Variants in ADAP1 observed in about 807,000 individuals in gnomAD.
The protein encoded by ADAP1 is arf-GAP with dual PH domain-containing protein 1.
Under a neutral mutation model 54.9 loss-of-function variants are expected in ADAP1, and 31 were observed. The observed-to-expected ratio is 0.56, with a 90% CI of 0.42 to 0.76. The LOEUF is 0.76. Among genes scored for constraint, ADAP1 ranks in the 30% least tolerant of loss-of-function variants. ADAP1 has a pLI of 0.00. For synonymous variants in ADAP1, 313 were observed against 202.6 expected (o/e 1.55, Z -4.63); for missense variants, 535 against 512.4 (o/e 1.04, Z -0.42).
At chr7:953,513 G>GT (rs1847316313) in intron 1 of ADAP1, among the ~76,000 whole-genome samples, 1 of 152,220 alleles carries the variant, frequency 6.6e-6, no homozygotes, top group Admixed American at 6.5e-5. Context: ...GTCACCGCCG[G>GT]TGAGTTTAGG....
intron 1 of ADAP1, among the ~76,000 whole-genome samples, chr7:937,846 T>C (rs1368810456): frequency 1.3e-5 from 2 of 152,124 alleles, no homozygotes; most frequent in African/African-American, 2.4e-5. Context: ...GGCTCCCTGA[T>C]TAATGAAGCC....
intron 1 of ADAP1, among the ~76,000 whole-genome samples, chr7:949,032 G>T (rs2128112717): frequency 6.6e-6 from 1 of 152,216 alleles, no homozygotes; most frequent in Admixed American, 6.5e-5. Context: ...GGCCCTCCTT[G>T]TCCCCAAGTG....
intron 1 of ADAP1, among the ~76,000 whole-genome samples, chr7:950,649 G>A (rs999745926): frequency 3.3e-5 from 5 of 151,942 alleles, no homozygotes; most frequent in Non-Finnish European, 5.9e-5. Context: ...CTGAGGTCAG[G>A]AGTTCAAGAC....
At chr7:955,320 C>G, upstream of ADAP1, 1 of 1,550,340 alleles carries the variant, frequency 6.5e-7, no homozygotes, top group South Asian at 1.2e-5. Context: ...TGCCCTTCCT[C>G]TGCACACCCC....
intron 6 of ADAP1, among the ~76,000 whole-genome samples, chr7:903,276 G>A (rs1477028775): frequency 2.6e-5 from 4 of 152,148 alleles, no homozygotes; most frequent in South Asian, 2.1e-4. Context: ...AGATGCCAGC[G>A]GAGCACGGCA....
At chr7:912,242 C>T (rs376549746) in intron 4 of ADAP1, among the ~76,000 whole-genome samples, 1 of 152,214 alleles carries the variant, frequency 6.6e-6, no homozygotes, top group African/African-American at 2.4e-5. Flanking sequence ...CAGGAAGCCC[C>T]GCGTCTCAGC....
intron 3 of ADAP1, among the ~76,000 whole-genome samples, chr7:924,678 G>A (rs1284881071): frequency 6.6e-6 from 1 of 150,640 alleles, no homozygotes; most frequent in Non-Finnish European, 1.5e-5. Flanking sequence ...TGTCAGCCCT[G>A]GGAGTCTCCT....
At chr7:899,787 A>G (rs754879282) in intron 8 of ADAP1, among the ~76,000 whole-genome samples, 23 of 151,810 alleles carry the variant, frequency 1.5e-4, no homozygotes, top group Non-Finnish European at 2.5e-4. Flanking sequence ...GACCACCAAG[A>G]CTCCCAGGAT....
At chr7:903,758 C>T (rs1357768447) in intron 6 of ADAP1, among the ~76,000 whole-genome samples, 1 of 152,174 alleles carries the variant, frequency 6.6e-6, no homozygotes. Context: ...GACCCCAGTT[C>T]CCCCCGAGGT....
rs1847342093 is a variant in ADAP1 at position 954,530 on chromosome 7, C to T, written c.-53G>A. 1 of 1,000,522 alleles carries T rather than the reference C, an allele frequency of 1.0e-6. No individual in the cohort carries two copies. The highest frequency in any genetic ancestry group is 1.1e-4 in the East Asian group (1 of 9,460). The allele number at this position is 1,000,522 out of a possible 1,614,324, so 62.0% of individuals were successfully genotyped here. A position where few individuals can be genotyped will look rare whatever the true frequency, so the allele number is the denominator to read the frequency against. ...CCGGGGCCGGGGCCGGGAGCGTCAGCCCGGCTCGCTAGGGCCCCGCGCAGG... is the reference window on the plus strand; with the variant it reads ...CCGGGGCCGGGGCCGGGAGCGTCAGTCCGGCTCGCTAGGGCCCCGCGCAGG... On this transcript the variant is annotated 5_prime_UTR_variant, in exon 1 of 11. Transcript: ENST00000265846.
rs769811232 is a variant in ADAP1 at position 904,242 on chromosome 7, C to G, written c.532G>C (p.Glu178Gln). The G allele has an allele frequency of 1.2e-6, 2 of 1,606,950 alleles. No individual in the cohort carries two copies. Among genetic ancestry groups the G allele is most frequent in the Non-Finnish European group, 1.7e-6 (2 of 1,176,828 alleles). The stretch of plus-strand genomic sequence containing the variant: ...GGCTGGAAGGTGGCGTTCAGGTGCT[C>G]GATCTTCATCACGGCCTTGGGCTCC... ...AKEPKAVMKI[E>Q]HLNATFQPAK... The change falls in exon 6 of 11, where the codon GAG (glutamate) becomes CAG (glutamine). Residue 178 changes from glutamate (E) to glutamine (Q), a missense_variant. Physicochemically the swap from Glu to Gln is conservative, Grantham distance 29 (BLOSUM62 2). Transcript: ENST00000265846.
chr7:929,629 G>C (rs1372124466), intron 2 of ADAP1, among the ~76,000 whole-genome samples: 2 of 151,998 alleles, frequency 1.3e-5, no homozygotes, highest in South Asian at 2.1e-4. Flanking sequence ...ATTCAGTAAC[G>C]GCTGGGGCGG....
intron 1 of ADAP1, 64 bp from the exon 2 acceptor site, chr7:935,569 G>C (rs1056387697): frequency 2.9e-5 from 45 of 1,537,704 alleles, no homozygotes; most frequent in Non-Finnish European, 3.9e-5. Context: ...AGGGTGGACG[G>C]AGCCTCGAGT....
At chr7:899,582 A>G in intron 8 of ADAP1, 92 bp from the exon 9 acceptor site, 6 of 1,439,460 alleles carry the variant, frequency 4.2e-6, no homozygotes, top group Non-Finnish European at 5.6e-6. Flanking sequence ...CAGGGCCCAG[A>G]CTGGCCCGGG....
intron 4 of ADAP1, chr7:905,679 A>G (rs1583130182): frequency 4.8e-5 from 7 of 145,166 alleles, no homozygotes; most frequent in Non-Finnish European, 7.6e-5. Flanking sequence ...AGAAAGGGAA[A>G]GGAGAAAGGA....
At chr7:914,405 G>T (rs779528838) in intron 4 of ADAP1, among the ~76,000 whole-genome samples, 1 of 152,216 alleles carries the variant, frequency 6.6e-6, no homozygotes, top group Non-Finnish European at 1.5e-5. Context: ...CAGGAACGCC[G>T]CCGGGAATCC....
chr7:899,705 C>G (rs1306304168), intron 8 of ADAP1, among the ~76,000 whole-genome samples: 3 of 152,200 alleles, frequency 2.0e-5, no homozygotes, highest in Admixed American at 6.5e-5. Flanking sequence ...CCAGGTCCCC[C>G]AGCCCTCCCT....
Position 898,797 on chromosome 7 carries a change from C to CGCCGGGCTGCCCTGAGGAGCAGGTGGG in ADAP1, c.*97_*123dup, listed in dbSNP as rs1844631040. ...CTGAAGCTCGGGCCCTACCTGGCCG[C>CGCCGGGCTGCCCTGAGGAGCAGGTGGG]GCCGGGCTGCCCTGAGGAGCAGGTG... On this transcript the variant is annotated 3_prime_UTR_variant, in exon 11 of 11. Transcript: ENST00000265846. 8.8e-6 allele frequency: 12 copies of CGCCGGGCTGCCCTGAGGAGCAGGTGGG among 1,371,330 alleles called. No homozygotes were observed. Among genetic ancestry groups the CGCCGGGCTGCCCTGAGGAGCAGGTGGG allele is most frequent in the Non-Finnish European group, 1.2e-5 (12 of 1,000,116 alleles). The allele number at this position is 1,371,330 out of a possible 1,614,324, so 84.9% of individuals were successfully genotyped here.
intron 2 of ADAP1, among the ~76,000 whole-genome samples, chr7:930,492 A>ATGGTGAAACCCGTCTC (rs1846536955): frequency 6.7e-6 from 1 of 150,040 alleles, no homozygotes; most frequent in Non-Finnish European, 1.5e-5. Flanking sequence ...CCTGGCCAAC[A>ATGGTGAAACCCGTCTC]TAGCAAGACC....
Sources: allele counts gnomAD v4.1 joint callset (sites outside exome capture counted in the v4.1 genomes callset), GRCh38; gene constraint gnomAD v4.1.1; transcripts MANE v1.5; gene names NCBI Gene and HGNC (gene_info 2026-07-23, HGNC 2026-07-21).